Variants in PPP1R1C observed in about 807,000 individuals in gnomAD.
PPP1R1C encodes the protein protein phosphatase 1 regulatory subunit 1C.
In PPP1R1C, 15 loss-of-function variants were observed where a neutral mutation model predicts 17.4. The ratio of observed to expected loss-of-function variants is 0.86; its 90% confidence interval spans 0.58 to 1.33. The LOEUF (loss-of-function observed/expected upper bound fraction) is 1.33. PPP1R1C is among the 40% of genes most tolerant of loss of function. The probability of loss-of-function intolerance (pLI) is 0.00; values close to 1 mark genes in which losing one functional copy is unlikely to be tolerated. For missense variants in PPP1R1C, 143 were observed against 130.0 expected, an observed-to-expected ratio of 1.10 and a Z score of -0.48; for synonymous variants, 35 against 43.1, an observed-to-expected ratio of 0.81 and a Z score of 0.73.
chr2:182,124,938 G>C (rs1689838284), intron 5 of PPP1R1C, among the ~76,000 whole-genome samples: 1 of 152,098 alleles, frequency 6.6e-6, no homozygotes, highest in African/African-American at 2.4e-5. Context: ...ATGTTGAATA[G>C]GAGTGGTGAG....
chr2:181,961,614 A>G lies in PPP1R1C; in HGVS notation n.111+6980A>G, dbSNP rs751901803. ...CCGTGAGCGTCATCTCAGCATCTCC[A>G]ACCTTGGTGGACTGCGTAGTGACCA... On this transcript the variant is annotated intron_variant and non_coding_transcript_variant, in intron 1 of 5. Transcript: ENST00000464264. The surrounding 1 kb of genome is among the most constrained non-coding windows in gnomAD (Gnocchi z 5.8). 1 of 742,680 alleles carries G rather than the reference A, an allele frequency of 1.3e-6. No homozygotes were observed. The highest frequency in any genetic ancestry group is 2.4e-6 in the Non-Finnish European group (1 of 410,706). 46.0% of individuals were successfully genotyped at this position (742,680 alleles called of 1,614,324 possible). A position where few individuals can be genotyped will look rare whatever the true frequency, so the allele number is the denominator to read the frequency against.
At chr2:182,046,889 G>A (rs1296915903) in intron 2 of PPP1R1C, among the ~76,000 whole-genome samples, 2 of 152,034 alleles carry the variant, frequency 1.3e-5, no homozygotes, top group Non-Finnish European at 2.9e-5. Flanking sequence ...TCTGTTACAT[G>A]TGCTCTGGCT....
chr2:182,003,511 A>T (rs1685831442), intron 2 of PPP1R1C, among the ~76,000 whole-genome samples: 3 of 152,176 alleles, frequency 2.0e-5, no homozygotes. Flanking sequence ...ACATGGACAT[A>T]CAAGAAATAT....
chr2:182,088,602 C>T (rs982287246), intron 4 of PPP1R1C, among the ~76,000 whole-genome samples: 2 of 152,146 alleles, frequency 1.3e-5, no homozygotes, highest in African/African-American at 2.4e-5. Context: ...TGGTGACTTC[C>T]ATGACTAGTA....
At chr2:182,068,116 G>A (rs1469924108) in intron 4 of PPP1R1C, among the ~76,000 whole-genome samples, 1 of 152,044 alleles carries the variant, frequency 6.6e-6, no homozygotes, top group African/African-American at 2.4e-5. Flanking sequence ...TTTTGCTTTA[G>A]TGTGTTTGGG....
chr2:182,083,338 A>T (rs779502287), intron 4 of PPP1R1C, among the ~76,000 whole-genome samples: 3 of 151,816 alleles, frequency 2.0e-5, no homozygotes, highest in African/African-American at 7.2e-5. Context: ...TGAAATTGTG[A>T]TGCTGCCATC....
intron 1 of PPP1R1C, among the ~76,000 whole-genome samples, chr2:181,969,264 G>A (rs1684961069): frequency 6.6e-6 from 1 of 152,118 alleles, no homozygotes; most frequent in African/African-American, 2.4e-5. Flanking sequence ...ACTCCCTTTA[G>A]CATTTCTTGT....
At chr2:182,051,015 A>G (rs1211924433) in intron 2 of PPP1R1C, among the ~76,000 whole-genome samples, 1 of 152,222 alleles carries the variant, frequency 6.6e-6, no homozygotes, top group Non-Finnish European at 1.5e-5. Context: ...TGAGCTTCTC[A>G]TGATGCAGCG....
chr2:182,047,029 A>T (rs1190731206), intron 2 of PPP1R1C, among the ~76,000 whole-genome samples: 1 of 152,212 alleles, frequency 6.6e-6, no homozygotes, highest in African/African-American at 2.4e-5. Flanking sequence ...TAAGCAGCTA[A>T]TTCTATTCTA....
intron 4 of PPP1R1C, among the ~76,000 whole-genome samples, chr2:182,093,097 G>A (rs1000647754): frequency 2.6e-5 from 4 of 152,186 alleles, no homozygotes; most frequent in African/African-American, 9.7e-5. Context: ...GCATCTGCCT[G>A]GACATCCATG....
intron 2 of PPP1R1C, among the ~76,000 whole-genome samples, chr2:182,007,718 T>A (rs1468663589): frequency 6.6e-6 from 1 of 152,116 alleles, no homozygotes; most frequent in East Asian, 1.9e-4. Context: ...TATCAAAAAA[T>A]GTAAGGCCTG....
At chr2:182,107,918 T>G (rs1574458480) in intron 4 of PPP1R1C, among the ~76,000 whole-genome samples, 1 of 151,886 alleles carries the variant, frequency 6.6e-6, no homozygotes, top group African/African-American at 2.4e-5. Context: ...GTTTTGTGCT[T>G]TTCTCTAACA....
rs1684934361 is a variant in PPP1R1C, at chr2:181,967,914, C to T, written n.112-7305C>T. Reference sequence around the variant, plus strand: ...GTTTTTAGTAGAGAGGGGATTTCTTCATGTTGGTCAAGCTGGTCTCAAACT... The same window carrying T: ...GTTTTTAGTAGAGAGGGGATTTCTTTATGTTGGTCAAGCTGGTCTCAAACT... On this transcript the variant is annotated intron_variant and non_coding_transcript_variant, in intron 1 of 5. Coordinates refer to the PPP1R1C transcript ENST00000464264. The surrounding 1 kb of genome is among the most constrained non-coding windows in gnomAD (Gnocchi z 5.5). Among the ~76,000 whole-genome samples, 1 of 152,156 alleles carries T rather than the reference C, an allele frequency of 6.6e-6. No individual in the cohort carries two copies. Among genetic ancestry groups the T allele is most frequent in the African/African-American group, 2.4e-5 (1 of 41,426 alleles).
intron 4 of PPP1R1C, among the ~76,000 whole-genome samples, chr2:182,100,786 T>C (rs1689077644): frequency 6.6e-6 from 1 of 152,178 alleles, no homozygotes; most frequent in Admixed American, 6.5e-5. Flanking sequence ...GAAACAGCGG[T>C]CATCAGGAGC....
intron 1 of PPP1R1C, among the ~76,000 whole-genome samples, chr2:181,973,195 C>T (rs1685042171): frequency 1.3e-5 from 2 of 152,134 alleles, no homozygotes; most frequent in Admixed American, 1.3e-4. Flanking sequence ...GACACAGAGG[C>T]AAATGCTCTC....
intron 2 of PPP1R1C, among the ~76,000 whole-genome samples, chr2:182,017,832 A>G (rs2125160493): frequency 6.6e-6 from 1 of 152,274 alleles, no homozygotes; most frequent in South Asian, 2.1e-4. Context: ...GTTAGTCTCA[A>G]AAGAGATGTA....
At chr2:182,025,125 T>G (rs1686559149) in intron 2 of PPP1R1C, among the ~76,000 whole-genome samples, 1 of 149,740 alleles carries the variant, frequency 6.7e-6, no homozygotes, top group African/African-American at 2.4e-5. Context: ...ATTATTGACT[T>G]AAAGAGTAAA....
intron 2 of PPP1R1C, among the ~76,000 whole-genome samples, chr2:182,039,237 A>G (rs1687108157): frequency 1.3e-5 from 2 of 152,180 alleles, no homozygotes; most frequent in Non-Finnish European, 1.5e-5. Flanking sequence ...TTCCTTTCCT[A>G]TGTTATCATC....
At chr2:181,958,237 A>G (rs1286988325) in intron 1 of PPP1R1C, among the ~76,000 whole-genome samples, 1 of 152,234 alleles carries the variant, frequency 6.6e-6, no homozygotes, top group Non-Finnish European at 1.5e-5. Flanking sequence ...CCGATCCTGC[A>G]GGGAGTTGTG....
Sources: gnomAD v4.1 joint callset for allele counts (sites outside exome capture counted in the v4.1 genomes callset) on GRCh38, gnomAD v4.1.1 for gene constraint, Gnocchi (gnomAD v3.1) non-coding constraint, MANE v1.5 for transcripts, NCBI Gene and HGNC (gene_info 2026-07-23, HGNC 2026-07-21) for gene names.